NRXN3: variants seen among roughly 807,000 people sequenced by gnomAD.
NRXN3 encodes neurexin III.
A neutral mutation model predicts 137.6 loss-of-function variants in NRXN3; 32 were observed. The observed-to-expected ratio is 0.23, with a 90% CI of 0.18 to 0.31. The LOEUF (loss-of-function observed/expected upper bound fraction) is 0.31. Among genes scored for constraint, NRXN3 ranks in the 10% least tolerant of loss-of-function variants. NRXN3 has a pLI of 1.00. For synonymous variants in NRXN3, 798 were observed against 784.5 expected (o/e 1.02, Z -0.29); for missense variants, 1,574 against 2,062.5 (o/e 0.76, Z 4.59).
chr14:78,850,809 G>A (rs539805277), intron 10 of NRXN3, among the ~76,000 whole-genome samples: 3 of 152,180 alleles, frequency 2.0e-5, no homozygotes, highest in African/African-American at 7.2e-5. Context: ...GAAAAAGAAA[G>A]CCATGCATTA....
chr14:79,272,244 TA>T (rs1410387088), intron 15 of NRXN3, among the ~76,000 whole-genome samples: 12 of 151,796 alleles, frequency 7.9e-5, no homozygotes, highest in Non-Finnish European at 1.5e-4. Flanking sequence ...CCTGTTAGTT[TA>T]TTTACTTCCT....
At chr14:78,527,523 T>C (rs988620790) in intron 4 of NRXN3, among the ~76,000 whole-genome samples, 3 of 152,180 alleles carry the variant, frequency 2.0e-5, no homozygotes, top group Admixed American at 6.5e-5. Context: ...GGGATTACAA[T>C]TGAGCTTGAG....
intron 15 of NRXN3, among the ~76,000 whole-genome samples, chr14:79,460,655 G>T (rs2096323083): frequency 6.6e-6 from 1 of 152,154 alleles, no homozygotes; most frequent in African/African-American, 2.4e-5. Flanking sequence ...AGAAAGTAAT[G>T]ATGTTTTCTG....
chr14:78,666,658 T>G (rs1221155182), intron 6 of NRXN3, among the ~76,000 whole-genome samples: 1 of 152,200 alleles, frequency 6.6e-6, no homozygotes, highest in African/African-American at 2.4e-5. Context: ...CCTGTATATT[T>G]CTGACTCATC....
At chr14:78,828,951 GA>G (rs2098974454) in intron 10 of NRXN3, among the ~76,000 whole-genome samples, 1 of 152,132 alleles carries the variant, frequency 6.6e-6, no homozygotes, top group South Asian at 2.1e-4. Flanking sequence ...AAGCTTTTCT[GA>G]GAAAATGATA....
chr14:79,193,314 T>C (rs1300165789), intron 15 of NRXN3, among the ~76,000 whole-genome samples: 1 of 152,186 alleles, frequency 6.6e-6, no homozygotes, highest in Non-Finnish European at 1.5e-5. Flanking sequence ...TTAAATTGCA[T>C]AGGCAAGAGA....
intron 15 of NRXN3, among the ~76,000 whole-genome samples, chr14:79,148,394 A>G (rs1392333414): frequency 6.6e-6 from 1 of 152,200 alleles, no homozygotes; most frequent in East Asian, 1.9e-4. Context: ...GATAAATCAG[A>G]TACAGAGCCA....
chr14:78,750,227 A>T (rs1406228101), intron 8 of NRXN3, among the ~76,000 whole-genome samples: 1 of 152,224 alleles, frequency 6.6e-6, no homozygotes, highest in Non-Finnish European at 1.5e-5. Context: ...TGAGAACAGC[A>T]CCTTTGTAGC....
intron 8 of NRXN3, among the ~76,000 whole-genome samples, chr14:78,760,818 G>A (rs1005236602): frequency 6.6e-5 from 10 of 152,102 alleles, no homozygotes; most frequent in African/African-American, 2.4e-4. Flanking sequence ...AATAAATGAT[G>A]CATTTGAGGA....
chr14:78,867,410 T>TTA (rs2099089806), intron 10 of NRXN3, among the ~76,000 whole-genome samples: 1 of 152,200 alleles, frequency 6.6e-6, no homozygotes, highest in African/African-American at 2.4e-5. Context: ...TCATAGAAAA[T>TTA]ATTAGAGATT....
At chr14:78,606,078 G>A (rs2097250124) in intron 4 of NRXN3, among the ~76,000 whole-genome samples, 1 of 152,126 alleles carries the variant, frequency 6.6e-6, no homozygotes, top group African/African-American at 2.4e-5. Context: ...AAAAGATCAA[G>A]CAGGACAAGG....
intron 15 of NRXN3, among the ~76,000 whole-genome samples, chr14:79,054,149 G>A (rs904526018): frequency 2.4e-4 from 32 of 134,992 alleles, no homozygotes; most frequent in Non-Finnish European, 1.2e-4. Context: ...ATCACACACC[G>A]GGGCCTGTTG....
At chr14:79,729,050 G>A (rs1158297104) in intron 19 of NRXN3, among the ~76,000 whole-genome samples, 1 of 152,104 alleles carries the variant, frequency 6.6e-6, no homozygotes, top group African/African-American at 2.4e-5. Context: ...TTGACAAAAT[G>A]CTCAAGACCA....
Position 78,874,873 on chromosome 14 carries a change from G to T in NRXN3, c.2275+64529G>T, listed in dbSNP as rs61523710. 1.1e-3 allele frequency among the ~76,000 whole-genome samples: 172 copies of T among 152,338 alleles called. 2 individuals are homozygous for T. In the East Asian group the frequency reaches 0.025, roughly 22 times the overall value. ...CGAATAATGCAAGAAGAGTCACCTTGTGGGAAAATTGATGCCTGATAATCT... is the reference window on the plus strand; with the variant it reads ...CGAATAATGCAAGAAGAGTCACCTTTTGGGAAAATTGATGCCTGATAATCT... On this transcript the variant is annotated intron_variant, in intron 10 of 20. Transcript: ENST00000335750.
chr14:78,202,356 C>T (rs555940715), intron 1 of NRXN3, among the ~76,000 whole-genome samples: 9 of 152,308 alleles, frequency 5.9e-5, no homozygotes, highest in South Asian at 2.1e-4. Context: ...GATTTCCTGT[C>T]GGTTAAAGAT....
rs1601027749 is a variant in NRXN3, at chr14:79,486,929, CT to C, written c.3444+19528del. On this transcript the variant is annotated intron_variant, in intron 16 of 20. Transcript: ENST00000335750. ...CTTTACAGGTTCTCTCTCTCTCTCTCTCTCTCTCTCTCTCTCTCTCTCTCTC... is the reference window on the plus strand; with the variant it reads ...CTTTACAGGTTCTCTCTCTCTCTCTCCTCTCTCTCTCTCTCTCTCTCTCTC... 1.5e-4 allele frequency among the ~76,000 whole-genome samples: 10 copies of C among 65,278 alleles called. No individual in the cohort carries two copies. In the East Asian group the frequency reaches 2.9e-3, roughly 19 times the overall value. 42.8% of individuals were successfully genotyped at this position (65,278 alleles called of 152,430 possible).
chr14:78,493,523 CAAATAAATAAAT>C (rs144261455), intron 4 of NRXN3, among the ~76,000 whole-genome samples: 1,704 of 139,222 alleles, frequency 0.012, 22 homozygotes, highest in Non-Finnish European at 0.017. Context: ...AACTCCATCT[CAAATAAATAAAT>C]AAATAAATAA....
chr14:78,403,138 A>G (rs1003400002), intron 4 of NRXN3, among the ~76,000 whole-genome samples: 1 of 152,198 alleles, frequency 6.6e-6, no homozygotes, highest in African/African-American at 2.4e-5. Context: ...GATCTGAAAT[A>G]AGGGGATTTC....
chr14:79,150,164 T>C (rs923767445), intron 15 of NRXN3, among the ~76,000 whole-genome samples: 4 of 152,082 alleles, frequency 2.6e-5, no homozygotes, highest in South Asian at 4.1e-4. Flanking sequence ...AAATTATGGG[T>C]TCCAGTGTGT....
Sources: gnomAD v4.1 joint callset for allele counts (sites outside exome capture counted in the v4.1 genomes callset) on GRCh38, gnomAD v4.1.1 for gene constraint, MANE v1.5 for transcripts, NCBI Gene and HGNC (gene_info 2026-07-23, HGNC 2026-07-21) for gene names.